Variants in TRIM46 observed in about 807,000 individuals in gnomAD.
The protein encoded by TRIM46 is tripartite motif containing 46.
Under a neutral mutation model 69.7 loss-of-function variants are expected in TRIM46, and 17 were observed. The ratio of observed to expected loss-of-function variants is 0.24; its 90% CI spans 0.17 to 0.37. TRIM46 has a LOEUF of 0.37. Ranked by LOEUF, TRIM46 falls within the 10% of genes least tolerant of loss-of-function variation. The probability of loss-of-function intolerance (pLI) is 1.00; values close to 1 mark genes in which losing one functional copy is unlikely to be tolerated. For synonymous variants in TRIM46, 391 were observed against 429.0 expected (o/e 0.91, Z 1.09); for missense variants, 675 against 1,025.1 (o/e 0.66, Z 4.66).
intron 1 of TRIM46, chr1:155,174,609 C>T (rs1232236950): frequency 2.6e-6 from 4 of 1,529,276 alleles, no homozygotes; most frequent in Non-Finnish European, 3.5e-6. Flanking sequence ...AGCTGCGCCC[C>T]TGACCGGGAT....
Position 155,178,041 on chromosome 1 carries a change from G to A in TRIM46, c.949G>A (p.Val317Met). The A allele has an allele frequency of 6.2e-7, 1 of 1,613,696 alleles. No homozygotes were observed. The highest frequency in any genetic ancestry group is 1.1e-5 in the South Asian group (1 of 91,068). ...QQAKEEVSQLVRGLGAVLEEK... is the reference protein window; with the variant it reads ...QQAKEEVSQLMRGLGAVLEEK... Reference sequence around the variant, plus strand: ...GGCCAAGGAGGAGGTGTCGCAGCTGGTGCGGGGGCTGGGGGCTGTGCTGGA... The same window carrying A: ...GGCCAAGGAGGAGGTGTCGCAGCTGATGCGGGGGCTGGGGGCTGTGCTGGA... Residue 317 changes from valine to methionine, a missense_variant, in exon 6 of 10, where the codon GTG (valine) becomes ATG (methionine). By Grantham distance (21) the Val-to-Met change is conservative. Transcript: ENST00000334634.
Position 155,175,933 on chromosome 1 carries a change from A to G in TRIM46, c.371A>G (p.Gln124Arg). The G allele has an allele frequency of 6.2e-7, 1 of 1,601,762 alleles. No homozygotes were observed. Among genetic ancestry groups the G allele is most frequent in the South Asian group, 1.1e-5 (1 of 89,308 alleles). Residue 124 changes from glutamine (Q) to arginine (R), a missense_variant, in exon 3 of 10, where the codon CAA (glutamine) becomes CGA (arginine). Gln to Arg is a conservative substitution (Grantham distance 43, BLOSUM62 1). Around this residue, in one of 5 missense-constraint regions of TRIM46, gnomAD observed 170 missense variants for 255.6 expected, o/e 0.67. Coordinates refer to ENST00000334634, the MANE Select transcript of TRIM46 (RefSeq NM_025058.5). This position sits in a 1 kb window ranked among gnomAD's most constrained non-coding sequence, Gnocchi z 4.2. The part of the protein sequence containing the change: ...PGRKRGALHP[Q>R]VIMFPCPACQ... The stretch of plus-strand genomic sequence containing the variant: ...AGGAAGCGAGGTGCTTTGCACCCCC[A>G]AGTGATCATGTTCCCGTGCCCAGCC...
At chr1:155,174,747 C>G (rs1025013270) in intron 1 of TRIM46, 4 of 1,458,942 alleles carry the variant, frequency 2.7e-6, no homozygotes, top group Non-Finnish European at 3.6e-6. Context: ...CTCTTGATTC[C>G]CCCGCTAGTT....
Position 155,174,300 on chromosome 1 carries a change from G to A in TRIM46, c.63+271G>A, listed in dbSNP as rs554175682. On this transcript the variant is annotated intron_variant, in intron 1 of 9. Coordinates refer to ENST00000334634, the MANE Select transcript of TRIM46 (RefSeq NM_025058.5). ...AGCGGGTGGGCTGGGGTGGCCTCCA[G>A]CAGTGCACCGGGGCTGGGGCTTCAG... is the stretch of plus-strand genomic sequence containing the variant. 5.3e-5 allele frequency among the ~76,000 whole-genome samples: 8 copies of A among 152,282 alleles called. No individual in the cohort carries two copies. In the South Asian group the frequency reaches 1.7e-3, roughly 32 times the overall value.
In TRIM46 at chr1:155,183,790, T is replaced by G; in HGVS notation, c.1887-7T>G. 11 of 1,600,046 alleles carry G rather than the reference T, an allele frequency of 6.9e-6. No individual in the cohort carries two copies. Among genetic ancestry groups the G allele is most frequent in the Non-Finnish European group, 8.5e-6 (10 of 1,179,742 alleles). On this transcript the variant is annotated splice_region_variant and splice_polypyrimidine_tract_variant and intron_variant, in intron 9 of 9. Transcript: ENST00000334634. ...AACAATCTCGTCCCCAACACCCGCTTCTGCAGGTACGACCCGGACAGCGGG... is the reference window on the plus strand; with the variant it reads ...AACAATCTCGTCCCCAACACCCGCTGCTGCAGGTACGACCCGGACAGCGGG...
intron 7 of TRIM46, 165 bp downstream of exon 7, chr1:155,178,778 C>T (rs1422482421): frequency 8.6e-6 from 13 of 1,515,816 alleles, no homozygotes; most frequent in Non-Finnish European, 1.1e-5. Context: ...CTACCGCGCT[C>T]AGCGCTGCTT....
At chr1:155,178,312 C>G (rs1387797724) in intron 6 of TRIM46, 57 bp downstream of exon 6, 1 of 1,561,724 alleles carries the variant, frequency 6.4e-7, no homozygotes, top group Admixed American at 1.8e-5. Context: ...TGACCAACAT[C>G]TAGGACAATG....
In TRIM46 at chr1:155,179,582, G is replaced by T. The variant is rs1218279699; in HGVS notation, c.1286-50G>T. On this transcript the variant is annotated intron_variant, in intron 7 of 9. Coordinates refer to ENST00000334634, the MANE Select transcript of TRIM46 (RefSeq NM_025058.5). ...TTTCCTGCCTGCCCCTGCCCTCCAT[G>T]CCAGGCCAGTGGCCAGGCCCTGACT... is the stretch of plus-strand genomic sequence containing the variant. 7.2e-6 allele frequency: 11 copies of T among 1,528,098 alleles called. No individual in the cohort carries two copies. In the Admixed American group the frequency reaches 1.1e-4, roughly 16 times the overall value. The allele number at this position is 1,528,098 out of a possible 1,614,324, so 94.7% of individuals were successfully genotyped here.
Position 155,181,767 on chromosome 1 carries a change from T to C in TRIM46, c.1589-85T>C. The stretch of plus-strand genomic sequence containing the variant: ...GTGACTGAACCCCCTTGCAACGCGT[T>C]CCCTGTTCTGCAGTCTCACAGCCCC... On this transcript the variant is annotated intron_variant, in intron 8 of 9. Transcript: ENST00000334634. This position sits in a 1 kb window ranked among gnomAD's most constrained non-coding sequence, Gnocchi z 4.3. 1 of 1,475,376 alleles carries C rather than the reference T, an allele frequency of 6.8e-7. No homozygotes were observed. The highest frequency in any genetic ancestry group is 1.4e-5 in the African/African-American group (1 of 71,874). 91.4% of individuals were successfully genotyped at this position (1,475,376 alleles called of 1,614,324 possible).
At position 155,179,974 on chromosome 1, in the gene TRIM46, G is replaced by T. The variant is rs759613805; in HGVS notation, c.1588+40G>T. 2.6e-6 allele frequency: 4 copies of T among 1,538,976 alleles called. No individual in the cohort carries two copies. In the East Asian group the frequency reaches 6.8e-5, roughly 26 times the overall value. On this transcript the variant is annotated intron_variant, in intron 8 of 9. Coordinates refer to ENST00000334634, the MANE Select transcript of TRIM46 (RefSeq NM_025058.5). ...ACAGGTGGTCGTGCAAAGGGCATGG[G>T]GTATGCCAGGGCCTAGGCCCTGACG...
At chr1:155,174,250 G>A (rs1299628266) in intron 1 of TRIM46, among the ~76,000 whole-genome samples, 1 of 152,170 alleles carries the variant, frequency 6.6e-6, no homozygotes, top group African/African-American at 2.4e-5. Flanking sequence ...GGAGCGTGAG[G>A]AGGAGCTAGG....
chr1:155,183,775 T>C (rs772911285), intron 9 of TRIM46, 22 bp from the exon 10 acceptor site: 2 of 1,597,384 alleles, frequency 1.3e-6, no homozygotes, highest in South Asian at 2.2e-5. Flanking sequence ...AACAATCTCG[T>C]CCCCAACACC....
At chr1:155,178,739 T>TGGCCCCCCCCCCCC in intron 7 of TRIM46, 126 bp downstream of exon 7, 20 of 1,348,450 alleles carry the variant, frequency 1.5e-5, no homozygotes, top group Non-Finnish European at 1.9e-5. Flanking sequence ...CAGCCATTCC[T>TGGCCCCCCCCCCCC]CCCACCCAGC....
intron 7 of TRIM46, 125 bp downstream of exon 7, chr1:155,178,738 C>T (rs1665894332): frequency 7.2e-7 from 1 of 1,388,786 alleles, no homozygotes. Context: ...CCAGCCATTC[C>T]TCCCACCCAG....
At chr1:155,182,272 T>C in intron 9 of TRIM46, 123 bp downstream of exon 9, 1 of 1,174,388 alleles carries the variant, frequency 8.5e-7, no homozygotes, top group South Asian at 1.6e-5. Flanking sequence ...GAGGAAGTAG[T>C]AGGAGCCTGG....
intron 9 of TRIM46, chr1:155,182,505 T>C (rs1299984577): frequency 4.7e-6 from 2 of 424,956 alleles, no homozygotes; most frequent in African/African-American, 4.0e-5. Context: ...ACCTTCTCCA[T>C]AAAACCTTTG....
intron 3 of TRIM46, among the ~76,000 whole-genome samples, chr1:155,176,502 T>C (rs1665663405): frequency 2.0e-5 from 3 of 152,226 alleles, no homozygotes; most frequent in Non-Finnish European, 2.9e-5. Flanking sequence ...ATAATGTTTG[T>C]TCACTAAAAA....
Position 155,175,342 on chromosome 1 carries a change from CCTAAGTGTCCAAGCG to C in TRIM46, c.64-41_64-27del. On this transcript the variant is annotated intron_variant, in intron 1 of 9. Transcript: ENST00000334634. The surrounding 1 kb of genome is among the most constrained non-coding windows in gnomAD (Gnocchi z 4.2). ...GCAGCCAAGGGGCTGCTGAGGTATG[CCTAAGTGTCCAAGCG>C]CTGACCTAGCCTCCTGGTCCCTCCA... 1 of 1,609,156 alleles carries C rather than the reference CCTAAGTGTCCAAGCG, an allele frequency of 6.2e-7. No individual in the cohort carries two copies. The highest frequency in any genetic ancestry group is 8.5e-7 in the Non-Finnish European group (1 of 1,178,376).
chr1:155,174,605 G>T, intron 1 of TRIM46: 1 of 1,528,398 alleles, frequency 6.5e-7, no homozygotes, highest in Non-Finnish European at 8.7e-7. Context: ...TGTCAGCTGC[G>T]CCCCTGACCG....
Sources: gnomAD v4.1 joint callset for allele counts (sites outside exome capture counted in the v4.1 genomes callset) on GRCh38, gnomAD v4.1.1 for gene constraint, gnomAD v4.1.1 regional missense constraint, Gnocchi (gnomAD v3.1) non-coding constraint, MANE v1.5 for transcripts, NCBI Gene and HGNC (gene_info 2026-07-23, HGNC 2026-07-21) for gene names.